The following WWP2 variants were observed in gnomAD, a reference collection of about 807,000 sequenced individuals.
WWP2 encodes WW domain containing E3 ubiquitin protein ligase 2.
WWP2 carries 57 observed loss-of-function variants against 121.0 expected under a neutral mutation model. The observed-to-expected ratio is 0.47, with a 90% confidence interval of 0.38 to 0.59. The LOEUF (loss-of-function observed/expected upper bound fraction) is 0.59. Ranked by LOEUF, WWP2 falls within the 20% of genes least tolerant of loss-of-function variation. WWP2 has a pLI of 0.00. For missense variants in WWP2, 962 were observed against 1,158.9 expected, an observed-to-expected ratio of 0.83 and a Z score of 2.47; for synonymous variants, 449 against 441.3, an observed-to-expected ratio of 1.02 and a Z score of -0.22.
intron 6 of WWP2, among the ~76,000 whole-genome samples, chr16:69,869,149 A>C (rs1331548375): frequency 6.6e-6 from 1 of 152,092 alleles, no homozygotes; most frequent in Non-Finnish European, 1.5e-5. Flanking sequence ...CAGCCTCCCA[A>C]AGTGCTGGGA....
chr16:69,822,283 G>A (rs768846110), intron 4 of WWP2, among the ~76,000 whole-genome samples: 1 of 152,110 alleles, frequency 6.6e-6, no homozygotes, highest in African/African-American at 2.4e-5. Flanking sequence ...CTTGCTTGTA[G>A]CAGGGGCAGG....
intron 16 of WWP2, among the ~76,000 whole-genome samples, chr16:69,932,482 AG>A (rs2058732134): frequency 6.6e-6 from 1 of 152,230 alleles, no homozygotes; most frequent in African/African-American, 2.4e-5. Flanking sequence ...GAGGGGCGAG[AG>A]CTCAGTACAA....
rs529804609 is a variant in WWP2, at chr16:69,939,540, G to T, written c.2513+127G>T. 156 of 946,026 alleles carry T rather than the reference G, an allele frequency of 1.6e-4. 1 individual carries two copies. The African/African-American group carries it at 2.4e-3, about 15-fold the overall frequency. 58.6% of individuals were successfully genotyped at this position (946,026 alleles called of 1,614,324 possible). On this transcript the variant is annotated intron_variant, in intron 23 of 23. Coordinates refer to ENST00000359154, the MANE Select transcript of WWP2 (RefSeq NM_001270454.2). ...GCTTTTGCGTGGCCCTGGGGTGTTG[G>T]GTTGGAGAGATGGGGCTGTGATGGG... is the stretch of plus-strand genomic sequence containing the variant.
intron 1 of WWP2, among the ~76,000 whole-genome samples, chr16:69,771,034 CT>C (rs1162993621): frequency 6.6e-6 from 1 of 151,298 alleles, no homozygotes; most frequent in Non-Finnish European, 1.5e-5. Flanking sequence ...ACTGAGTTTG[CT>C]TTTTCCTCTC....
chr16:69,885,585 T>C (rs1193103241), intron 7 of WWP2, among the ~76,000 whole-genome samples: 2 of 152,184 alleles, frequency 1.3e-5, no homozygotes, highest in Non-Finnish European at 2.9e-5. Context: ...AATTTTTACA[T>C]GGTTGCTAAG....
intron 8 of WWP2, among the ~76,000 whole-genome samples, chr16:69,901,942 C>T (rs2058213127): frequency 6.6e-6 from 1 of 152,298 alleles, no homozygotes; most frequent in East Asian, 1.9e-4. Flanking sequence ...CAGAACGAGA[C>T]TTCGTCTCTA....
intron 3 of WWP2, 49 bp downstream of exon 3, chr16:69,798,878 G>C: frequency 1.2e-6 from 2 of 1,603,798 alleles, no homozygotes; most frequent in Middle Eastern, 1.8e-4. Flanking sequence ...GGGAAAGAGA[G>C]AGGGTGCTCC....
At position 69,929,631 on chromosome 16, in the gene WWP2, G is replaced by A. The variant is rs1214333514; in HGVS notation, c.1316+102G>A. The A allele has an allele frequency of 9.1e-6, 9 of 993,828 alleles. No individual in the cohort carries two copies. In the Admixed American group the frequency reaches 1.5e-4, roughly 16 times the overall value. 61.6% of individuals were successfully genotyped at this position (993,828 alleles called of 1,614,324 possible). A position where few individuals can be genotyped will look rare whatever the true frequency, so the allele number is the denominator to read the frequency against. Reference sequence around the variant, plus strand: ...GACTGCATCGTCCCAGAGGGCTGATGTCAGGGACCTTTAGCCACACACAAG... The same window carrying A: ...GACTGCATCGTCCCAGAGGGCTGATATCAGGGACCTTTAGCCACACACAAG... On this transcript the variant is annotated intron_variant, in intron 12 of 23. Coordinates refer to ENST00000359154, the MANE Select transcript of WWP2 (RefSeq NM_001270454.2).
chr16:69,834,958 C>G (rs1349097753), intron 4 of WWP2, among the ~76,000 whole-genome samples: 1 of 152,124 alleles, frequency 6.6e-6, no homozygotes, highest in Non-Finnish European at 1.5e-5. Flanking sequence ...TTTTGCCCAT[C>G]TTGTTCCTGT....
At chr16:69,781,330 C>G (rs1454304219) in intron 1 of WWP2, among the ~76,000 whole-genome samples, 3 of 151,964 alleles carry the variant, frequency 2.0e-5, no homozygotes, top group African/African-American at 7.3e-5. Context: ...ATTTGCAGGT[C>G]TTTGGCTTTT....
chr16:69,904,829 C>T (rs189622373), intron 8 of WWP2, among the ~76,000 whole-genome samples: 10 of 152,068 alleles, frequency 6.6e-5, no homozygotes, highest in South Asian at 2.1e-4. Flanking sequence ...CAAGAATGCC[C>T]GGGAGAGAAA....
intron 1 of WWP2, among the ~76,000 whole-genome samples, chr16:69,781,661 G>A (rs2055667349): frequency 6.6e-6 from 1 of 152,094 alleles, no homozygotes; most frequent in African/African-American, 2.4e-5. Flanking sequence ...GTTAGACGGT[G>A]TCTTAGTTCA....
intron 7 of WWP2, 58 bp downstream of exon 7, chr16:69,871,989 A>G: frequency 1.3e-6 from 2 of 1,565,432 alleles, no homozygotes; most frequent in South Asian, 1.2e-5. Context: ...CACCCGTTCT[A>G]ACGTGGACAC....
In WWP2 at chr16:69,917,758, A is replaced by G. The variant is rs2058497590; in HGVS notation, c.1054A>G (p.Asn352Asp). The part of the protein sequence containing the change: ...PRGRFYYVDH[N>D]TRTTTWQRPT... ...AGGCAGGTTTTACTATGTGGATCACAATACTCGGACCACCACCTGGCAGCG... is the reference window on the plus strand; with the variant it reads ...AGGCAGGTTTTACTATGTGGATCACGATACTCGGACCACCACCTGGCAGCG... Residue 352 changes from asparagine to aspartate, a missense_variant, in exon 10 of 24, where the codon AAT becomes GAT. Asn to Asp is a conservative substitution (Grantham distance 23). Around this residue, in one of 3 missense-constraint regions of WWP2, gnomAD observed 606 missense variants for 772.6 expected, o/e 0.78. Coordinates refer to ENST00000359154, the MANE Select transcript of WWP2 (RefSeq NM_001270454.2). The G allele has an allele frequency of 6.2e-7, 1 of 1,613,424 alleles. No individual in the cohort carries two copies. Among genetic ancestry groups the G allele is most frequent in the Non-Finnish European group, 8.5e-7 (1 of 1,179,448 alleles).
At chr16:69,798,909 A>G (rs2056105134) in intron 3 of WWP2, 80 bp downstream of exon 3, 1 of 1,559,054 alleles carries the variant, frequency 6.4e-7, no homozygotes, top group African/African-American at 1.4e-5. Context: ...TGGGAGGTAC[A>G]GATTCCCTGT....
chr16:69,768,375 G>A (rs1327871499), intron 1 of WWP2, among the ~76,000 whole-genome samples: 3 of 152,118 alleles, frequency 2.0e-5, no homozygotes, highest in African/African-American at 4.8e-5. Flanking sequence ...TTAGGAGGCC[G>A]AGGTGGGTAG....
rs59956274 is a variant in WWP2 at position 69,773,185 on chromosome 16, CT to C, written c.-16+10806del. On this transcript the variant is annotated intron_variant, in intron 1 of 23. Transcript: ENST00000359154. ...CTGTTCCTACCGATACACGTTGCTC[CT>C]TTTTTTTTTTTGAGATGACTCTCAT... is the stretch of plus-strand genomic sequence containing the variant. 3.0e-3 allele frequency among the ~76,000 whole-genome samples: 430 copies of C among 144,752 alleles called. 4 individuals are homozygous for C. Among genetic ancestry groups the C allele is most frequent in the African/African-American group, 7.4e-3 (293 of 39,856 alleles). The allele number at this position is 144,752 out of a possible 152,430, so 95.0% of individuals were successfully genotyped here. A position where few individuals can be genotyped will look rare whatever the true frequency, so the allele number is the denominator to read the frequency against.
chr16:69,854,251 G>A (rs540685013), intron 6 of WWP2, among the ~76,000 whole-genome samples: 2 of 152,368 alleles, frequency 1.3e-5, no homozygotes, highest in South Asian at 4.1e-4. Context: ...GCTTGACCAT[G>A]TGCTGATGGA....
chr16:69,810,672 C>T (rs1312791606), intron 4 of WWP2, among the ~76,000 whole-genome samples: 3 of 151,846 alleles, frequency 2.0e-5, no homozygotes, highest in South Asian at 2.1e-4. Flanking sequence ...CCTTGTGATC[C>T]GCCTGCCTTG....
Sources: allele counts gnomAD v4.1 joint callset (sites outside exome capture counted in the v4.1 genomes callset), GRCh38; gene constraint gnomAD v4.1.1; regional missense constraint gnomAD v4.1.1; transcripts MANE v1.5; gene names NCBI Gene and HGNC (gene_info 2026-07-23, HGNC 2026-07-21).